FHOD3: variants seen among roughly 807,000 people sequenced by gnomAD.
FHOD3 encodes the protein formin homology 2 domain containing 3.
FHOD3 carries 90 observed loss-of-function variants against 173.0 expected under a neutral mutation model. The observed-to-expected ratio is 0.52, with a 90% confidence interval of 0.44 to 0.62. The LOEUF (loss-of-function observed/expected upper bound fraction) is 0.62. Ranked by LOEUF, FHOD3 falls within the 20% of genes least tolerant of loss-of-function variation. FHOD3 has a pLI of 0.00. For synonymous variants in FHOD3, 828 were observed against 823.0 expected (o/e 1.01, Z -0.10); for missense variants, 1,945 against 2,034.7 (o/e 0.96, Z 0.85).
chr18:36,693,877 T>C (rs1440717022), intron 17 of FHOD3, among the ~76,000 whole-genome samples: 1 of 151,992 alleles, frequency 6.6e-6, no homozygotes, highest in Non-Finnish European at 1.5e-5. Flanking sequence ...CTAGTGAAAA[T>C]AGAAGGTAAA....
chr18:36,764,371 A>T (rs2043050489), intron 27 of FHOD3, among the ~76,000 whole-genome samples: 1 of 152,156 alleles, frequency 6.6e-6, no homozygotes, highest in Non-Finnish European at 1.5e-5. Flanking sequence ...GGCACCCAAA[A>T]AGGCCTAAGA....
chr18:36,365,926 C>T (rs539360097), intron 2 of FHOD3, among the ~76,000 whole-genome samples: 2 of 152,206 alleles, frequency 1.3e-5, no homozygotes, highest in African/African-American at 4.8e-5. Flanking sequence ...AGAGAGTTGA[C>T]CTGTTTTGGT....
chr18:36,628,839 C>T (rs1349297037), intron 10 of FHOD3, among the ~76,000 whole-genome samples: 2 of 152,168 alleles, frequency 1.3e-5, no homozygotes, highest in African/African-American at 4.8e-5. Context: ...CCCATCTGCC[C>T]TTGAACTATT....
At chr18:36,315,539 G>A (rs1251032382) in intron 1 of FHOD3, among the ~76,000 whole-genome samples, 1 of 152,012 alleles carries the variant, frequency 6.6e-6, no homozygotes, top group Non-Finnish European at 1.5e-5. Flanking sequence ...GCATGTGGGG[G>A]TTAAGGGGTC....
Position 36,415,250 on chromosome 18 carries a change from C to T in FHOD3, c.337+42506C>T, listed in dbSNP as rs2146964620. Among the ~76,000 whole-genome samples, 2 of 152,316 alleles carry T rather than the reference C, an allele frequency of 1.3e-5. 1 individual carries two copies. The highest frequency in any genetic ancestry group is 6.8e-3 in the Middle Eastern group (2 of 294). On this transcript the variant is annotated intron_variant, in intron 3 of 28. Coordinates refer to ENST00000590592, the MANE Select transcript of FHOD3 (RefSeq NM_001281740.3). Reference sequence around the variant, plus strand: ...CTGTGGTTAGTGCTAATTCACTTTTCACAAAGGAGAGGCCCATCCTGAATG... The same window carrying T: ...CTGTGGTTAGTGCTAATTCACTTTTTACAAAGGAGAGGCCCATCCTGAATG...
intron 2 of FHOD3, among the ~76,000 whole-genome samples, chr18:36,360,942 C>T (rs1347543547): frequency 6.6e-6 from 1 of 152,154 alleles, no homozygotes; most frequent in African/African-American, 2.4e-5. Flanking sequence ...AGATTTTGAA[C>T]ATAAGTCTAA....
chr18:36,546,044 G>C (rs2057398099), intron 5 of FHOD3, among the ~76,000 whole-genome samples: 1 of 152,232 alleles, frequency 6.6e-6, no homozygotes, highest in Non-Finnish European at 1.5e-5. Context: ...TCTCGAATCT[G>C]TGGGTGTGCC....
chr18:36,573,359 C>T (rs2058523720), intron 5 of FHOD3, among the ~76,000 whole-genome samples: 1 of 151,114 alleles, frequency 6.6e-6, no homozygotes, highest in African/African-American at 2.4e-5. Context: ...AATCCAGGCA[C>T]TTTGGGATTC....
chr18:36,725,743 C>T (rs1297306059), intron 19 of FHOD3, among the ~76,000 whole-genome samples: 7 of 152,162 alleles, frequency 4.6e-5, no homozygotes, highest in African/African-American at 1.4e-4. Context: ...CTCGCCATAT[C>T]GGTTTGTTTG....
intron 10 of FHOD3, among the ~76,000 whole-genome samples, chr18:36,646,348 A>C (rs560734183): frequency 7.9e-5 from 12 of 152,330 alleles, no homozygotes; most frequent in Admixed American, 5.2e-4. Flanking sequence ...GAAAATTTAA[A>C]CACTATTAAG....
intron 3 of FHOD3, among the ~76,000 whole-genome samples, chr18:36,463,234 T>A (rs561275928): frequency 6.6e-6 from 1 of 150,770 alleles, no homozygotes. Context: ...TCATTTAGAA[T>A]TGAATAAATA....
chr18:36,410,879 G>T (rs923875600), intron 3 of FHOD3, among the ~76,000 whole-genome samples: 1 of 151,976 alleles, frequency 6.6e-6, no homozygotes, highest in Non-Finnish European at 1.5e-5. Context: ...GTTAAATTTT[G>T]TAGGAGTTCT....
At chr18:36,768,437 G>T (rs1017579303) in intron 27 of FHOD3, among the ~76,000 whole-genome samples, 2 of 152,162 alleles carry the variant, frequency 1.3e-5, no homozygotes, top group African/African-American at 4.8e-5. Flanking sequence ...GTATATAGAG[G>T]GCTGTAAACC....
At chr18:36,593,439 G>C (rs2029862366) in intron 6 of FHOD3, among the ~76,000 whole-genome samples, 2 of 152,150 alleles carry the variant, frequency 1.3e-5, no homozygotes, top group African/African-American at 4.8e-5. Context: ...GGGAAGCAAG[G>C]GGGTAAAGGG....
intron 19 of FHOD3, among the ~76,000 whole-genome samples, chr18:36,727,824 C>T (rs2041155249): frequency 6.6e-6 from 1 of 152,208 alleles, no homozygotes; most frequent in Admixed American, 6.5e-5. Context: ...AGCTGTTTGC[C>T]ATGGGGCTGA....
chr18:36,681,013 T>C (rs1366826127), intron 14 of FHOD3, among the ~76,000 whole-genome samples: 1 of 152,192 alleles, frequency 6.6e-6, no homozygotes, highest in Non-Finnish European at 1.5e-5. Flanking sequence ...AATGATCCTG[T>C]TACCCAAATA....
chr18:36,300,307 G>A (rs989298194), intron 1 of FHOD3, among the ~76,000 whole-genome samples: 5 of 152,296 alleles, frequency 3.3e-5, no homozygotes, highest in African/African-American at 4.8e-5. Context: ...CATGCCTCCC[G>A]GGCTTCTCTT....
At chr18:36,420,701 G>A (rs2049941649) in intron 3 of FHOD3, among the ~76,000 whole-genome samples, 1 of 152,166 alleles carries the variant, frequency 6.6e-6, no homozygotes, top group South Asian at 2.1e-4. Flanking sequence ...TCTTCTAGGA[G>A]AGGGGTCAGG....
chr18:36,400,864 A>G (rs1192887227), intron 3 of FHOD3, among the ~76,000 whole-genome samples: 1 of 152,364 alleles, frequency 6.6e-6, no homozygotes, highest in East Asian at 1.9e-4. Flanking sequence ...AAGTGGTCAC[A>G]AAAGAAAAAA....
Sources: allele counts gnomAD v4.1 joint callset (sites outside exome capture counted in the v4.1 genomes callset), GRCh38; gene constraint gnomAD v4.1.1; transcripts MANE v1.5; gene names NCBI Gene and HGNC (gene_info 2026-07-23, HGNC 2026-07-21).